Variants in ARMC9 observed in about 807,000 individuals in gnomAD.
The protein encoded by ARMC9 is lisH domain-containing protein ARMC9.
ARMC9 carries 94 observed loss-of-function variants against 107.0 expected under a neutral mutation model. The observed-to-expected ratio is 0.88, with a 90% CI of 0.74 to 1.04. ARMC9 has a LOEUF of 1.04. Among genes scored for constraint, ARMC9 ranks in the 50% least tolerant of loss-of-function variants. The pLI, the probability that ARMC9 is intolerant of heterozygous loss-of-function variation, is 0.00. For synonymous variants in ARMC9, 380 were observed against 396.9 expected (o/e 0.96, Z 0.51); for missense variants, 942 against 1,030.1 (o/e 0.91, Z 1.17).
At chr2:231,248,856 G>A (rs538063033) in intron 9 of ARMC9, among the ~76,000 whole-genome samples, 7 of 133,398 alleles carry the variant, frequency 5.2e-5, no homozygotes, top group Non-Finnish European at 1.1e-4. Context: ...AGCCCCTTCC[G>A]CATCTGATGG....
intron 4 of ARMC9, 113 bp downstream of exon 4, chr2:231,215,114 T>A: frequency 7.9e-7 from 1 of 1,264,064 alleles, no homozygotes; most frequent in Non-Finnish European, 1.1e-6. Context: ...TCATAATGCT[T>A]ACGAGGTACA....
At chr2:231,260,950 C>T (rs561984502) in intron 11 of ARMC9, among the ~76,000 whole-genome samples, 2 of 152,280 alleles carry the variant, frequency 1.3e-5, no homozygotes, top group African/African-American at 2.4e-5. Flanking sequence ...GTGAACTCAA[C>T]GGAAGGGTAG....
chr2:231,271,930 T>C (rs2125434085), intron 13 of ARMC9, among the ~76,000 whole-genome samples: 1 of 152,182 alleles, frequency 6.6e-6, no homozygotes, highest in African/African-American at 2.4e-5. Flanking sequence ...TTGTGAAGAC[T>C]TAAGGGCTCA....
intron 23 of ARMC9, among the ~76,000 whole-genome samples, chr2:231,367,328 C>T (rs936892720): frequency 1.3e-5 from 2 of 152,158 alleles, no homozygotes; most frequent in Non-Finnish European, 2.9e-5. Flanking sequence ...TGTTGACTCA[C>T]CTCAGCTGAC....
At chr2:231,271,189 C>T (rs1343694976) in intron 13 of ARMC9, 117 bp downstream of exon 13, 10 of 941,238 alleles carry the variant, frequency 1.1e-5, no homozygotes, top group South Asian at 6.5e-5. Context: ...AGTTTGTTAC[C>T]GTTTAATTCA....
At chr2:231,231,466 C>T (rs1462560731) in intron 7 of ARMC9, among the ~76,000 whole-genome samples, 1 of 152,166 alleles carries the variant, frequency 6.6e-6, no homozygotes. Context: ...TCACTGCAAC[C>T]TCTGCCTCCT....
intron 12 of ARMC9, among the ~76,000 whole-genome samples, chr2:231,267,185 C>T (rs1014949801): frequency 6.6e-6 from 1 of 152,052 alleles, no homozygotes; most frequent in East Asian, 1.9e-4. Context: ...GAGCGTCTGG[C>T]GGAATTGAAA....
chr2:231,203,442 C>T (rs1173937956), intron 1 of ARMC9, among the ~76,000 whole-genome samples: 2 of 152,186 alleles, frequency 1.3e-5, no homozygotes, highest in East Asian at 3.8e-4. Flanking sequence ...TCTTGCTTAT[C>T]CAAATGATGC....
chr2:231,311,620 A>G (rs1363668866), intron 19 of ARMC9, among the ~76,000 whole-genome samples: 3 of 152,044 alleles, frequency 2.0e-5, no homozygotes, highest in Non-Finnish European at 4.4e-5. Context: ...AAGTACAAAA[A>G]TTAGCCAGGT....
chr2:231,230,205 T>TA (rs202210634), intron 7 of ARMC9, among the ~76,000 whole-genome samples: 1 of 151,674 alleles, frequency 6.6e-6, no homozygotes, highest in South Asian at 2.1e-4. Context: ...CTATAAAAAC[T>TA]AAAAAAAATT....
At chr2:231,277,168 A>G (rs923636211) in intron 15 of ARMC9, among the ~76,000 whole-genome samples, 1 of 152,168 alleles carries the variant, frequency 6.6e-6, no homozygotes, top group Non-Finnish European at 1.5e-5. Flanking sequence ...CCTGCCCTGA[A>G]TCACACTCTT....
rs148366086 is a variant in ARMC9, at chr2:231,344,977, C to G, written c.1881C>G (p.Ile627Met). The G allele has an allele frequency of 1.7e-4, 280 of 1,613,846 alleles. No individual in the cohort carries two copies. Among genetic ancestry groups the G allele is most frequent in the Non-Finnish European group, 2.0e-4 (241 of 1,180,000 alleles). Residue 627 changes from isoleucine (I) to methionine (M), a missense_variant and splice_region_variant, in exon 21 of 25, where the codon ATC becomes ATG. Ile to Met is a conservative substitution (Grantham distance 10). Transcript: ENST00000611582. ...EKLLTTEYLG[I>M]MTNTGKTRRK... The stretch of plus-strand genomic sequence containing the variant: ...TTTTTTCTCTTTCCTTCCACCAGAT[C>G]ATGACCAACACGGGGAAGACAAGGC...
intron 7 of ARMC9, among the ~76,000 whole-genome samples, chr2:231,232,553 G>A (rs2035330523): frequency 6.6e-6 from 1 of 151,514 alleles, no homozygotes; most frequent in South Asian, 2.1e-4. Flanking sequence ...CCAGGTTCAA[G>A]CGATTCTCCT....
rs2045515208 is a variant in ARMC9, at chr2:231,360,275, G to A, written c.2132-479G>A. Among the ~76,000 whole-genome samples, 1 of 152,202 alleles carries A rather than the reference G, an allele frequency of 6.6e-6. No homozygotes were observed. Among genetic ancestry groups the A allele is most frequent in the Non-Finnish European group, 1.5e-5 (1 of 68,036 alleles). On this transcript the variant is annotated intron_variant, in intron 22 of 24. Coordinates refer to ENST00000611582, the MANE Select transcript of ARMC9 (RefSeq NM_001352754.2). The surrounding 1 kb of genome is among the most constrained non-coding windows in gnomAD (Gnocchi z 4.7). ...AGGGCACTTCCTGGCCACCCTGGGTGTACCGAGTGGTTCAGCATTAAGGAG... is the reference window on the plus strand; with the variant it reads ...AGGGCACTTCCTGGCCACCCTGGGTATACCGAGTGGTTCAGCATTAAGGAG...
At chr2:231,268,997 G>A (rs1323870240) in intron 12 of ARMC9, among the ~76,000 whole-genome samples, 1 of 151,846 alleles carries the variant, frequency 6.6e-6, no homozygotes, top group Non-Finnish European at 1.5e-5. Context: ...GAGCCCAAGA[G>A]GTTGAGGCTG....
Position 231,255,958 on chromosome 2 carries a change from T to G in ARMC9, c.880-628T>G, listed in dbSNP as rs2037745647. 1 of 782,556 alleles carries G rather than the reference T, an allele frequency of 1.3e-6. No individual in the cohort carries two copies. Among genetic ancestry groups the G allele is most frequent in the African/African-American group, 1.8e-5 (1 of 56,756 alleles). 48.5% of individuals were successfully genotyped at this position (782,556 alleles called of 1,614,324 possible). On this transcript the variant is annotated intron_variant, in intron 9 of 24. Transcript: ENST00000611582. The surrounding 1 kb of genome is among the most constrained non-coding windows in gnomAD (Gnocchi z 4.7). ...AGGAGGCTGAGGCAGGAGAATGGCGTGAACCCGGTAGGCGGAGGTTGCGGT... is the reference window on the plus strand; with the variant it reads ...AGGAGGCTGAGGCAGGAGAATGGCGGGAACCCGGTAGGCGGAGGTTGCGGT...
At chr2:231,345,161 G>A in intron 21 of ARMC9, 71 bp downstream of exon 21, 1 of 1,563,072 alleles carries the variant, frequency 6.4e-7, no homozygotes, top group Non-Finnish European at 8.6e-7. Flanking sequence ...TAAGATGTAT[G>A]TATTTTTAAA....
chr2:231,247,195 TC>T (rs1425178780), intron 9 of ARMC9, among the ~76,000 whole-genome samples: 1 of 152,210 alleles, frequency 6.6e-6, no homozygotes, highest in Non-Finnish European at 1.5e-5. Context: ...GACCTCGTGA[TC>T]CACCTGCCTC....
rs1395638359 is a variant in ARMC9 at position 231,241,122 on chromosome 2, C to T, written c.879+1081C>T. ...CTGAGGCAGGAGAATCGCTTGAACC[C>T]GGGAGGCAGAGGTTGCAGTGAGCTG... On this transcript the variant is annotated intron_variant, in intron 9 of 24. Transcript: ENST00000611582. Among the ~76,000 whole-genome samples the T allele has an allele frequency of 6.0e-5, 9 of 149,960 alleles. No homozygotes were observed. In the East Asian group the frequency reaches 7.8e-4, roughly 13 times the overall value.
Sources: gnomAD v4.1 joint callset for allele counts (sites outside exome capture counted in the v4.1 genomes callset) on GRCh38, gnomAD v4.1.1 for gene constraint, Gnocchi (gnomAD v3.1) non-coding constraint, MANE v1.5 for transcripts, NCBI Gene and HGNC (gene_info 2026-07-23, HGNC 2026-07-21) for gene names.